ZMYM4: variants seen among roughly 807,000 people sequenced by gnomAD.
The protein encoded by ZMYM4 is zinc finger MYM-type containing 4.
Under a neutral mutation model 183.2 loss-of-function variants are expected in ZMYM4, and 31 were observed. The ratio of observed to expected loss-of-function variants is 0.17; its 90% confidence interval spans 0.13 to 0.23. The LOEUF (loss-of-function observed/expected upper bound fraction) is 0.23. ZMYM4 is among the 10% of genes least tolerant of loss of function. ZMYM4 has a pLI of 1.00. For synonymous variants in ZMYM4, 592 were observed against 631.2 expected (o/e 0.94, Z 0.93); for missense variants, 1,273 against 1,840.3 (o/e 0.69, Z 5.64).
At chr1:35,305,980 A>G (rs1641516041) in intron 1 of ZMYM4, among the ~76,000 whole-genome samples, 1 of 152,010 alleles carries the variant, frequency 6.6e-6, no homozygotes, top group Non-Finnish European at 1.5e-5. Flanking sequence ...CTGTGTCTCT[A>G]TGTGGGTTTT....
intron 1 of ZMYM4, among the ~76,000 whole-genome samples, chr1:35,312,788 T>A (rs1641862094): frequency 7.0e-6 from 1 of 142,174 alleles, no homozygotes; most frequent in African/African-American, 2.5e-5. Flanking sequence ...TGGCACAATC[T>A]TGGCTGACTG....
At chr1:35,372,152 T>C (rs1644228267) in intron 7 of ZMYM4, among the ~76,000 whole-genome samples, 1 of 152,218 alleles carries the variant, frequency 6.6e-6, no homozygotes, top group Non-Finnish European at 1.5e-5. Flanking sequence ...TTAAGATATT[T>C]TATATCAATT....
rs1472860592 is a variant in ZMYM4, at chr1:35,369,964, G to A, written c.841-65G>A. The A allele has an allele frequency of 4.2e-6, 5 of 1,189,012 alleles. No individual in the cohort carries two copies. In the Admixed American group the frequency reaches 7.8e-5, roughly 19 times the overall value. The allele number at this position is 1,189,012 out of a possible 1,614,324, so 73.7% of individuals were successfully genotyped here. ...ATAGTGGTAGTAAAATGTCTTGAAT[G>A]TCTGGATGTCTTTAGGTATTTATTC... On this transcript the variant is annotated intron_variant, in intron 5 of 29. Coordinates refer to ENST00000314607, the MANE Select transcript of ZMYM4 (RefSeq NM_005095.3).
chr1:35,277,487 C>T (rs1252392179), intron 1 of ZMYM4, among the ~76,000 whole-genome samples: 1 of 152,016 alleles, frequency 6.6e-6, no homozygotes, highest in African/African-American at 2.4e-5. Context: ...TTGGATCGTT[C>T]TAGGAGGTAA....
At position 35,385,535 on chromosome 1, in the gene ZMYM4, C is replaced by T; in HGVS notation, c.1663C>T (p.Leu555Phe). ...ENTNSLGKTE[L>F]FCSVNCLSAY... ...TACCAATAGCTTGGGGAAGACAGAG[C>T]TTTTCTGTTCTGTTAATTGCTTATC... Residue 555 changes from leucine (L) to phenylalanine (F), a missense_variant, in exon 10 of 30, where the codon CTT (leucine) becomes TTT (phenylalanine). By Grantham distance (22) the Leu-to-Phe change is conservative. Coordinates refer to ENST00000314607, the MANE Select transcript of ZMYM4 (RefSeq NM_005095.3). 2 of 1,612,888 alleles carry T rather than the reference C, an allele frequency of 1.2e-6. No homozygotes were observed. The highest frequency in any genetic ancestry group is 1.7e-6 in the Non-Finnish European group (2 of 1,179,646).
chr1:35,381,472 T>TA (rs1253763517), intron 8 of ZMYM4, 39 bp downstream of exon 8: 1 of 1,607,858 alleles, frequency 6.2e-7, no homozygotes, highest in East Asian at 2.2e-5. Flanking sequence ...AGGAGTCTAA[T>TA]ACGTTTGTGC....
At chr1:35,363,969 C>A (rs572951167) in intron 5 of ZMYM4, among the ~76,000 whole-genome samples, 1 of 152,148 alleles carries the variant, frequency 6.6e-6, no homozygotes, top group Admixed American at 6.5e-5. Flanking sequence ...CAAAAAGGCA[C>A]TTAGAGCATA....
intron 1 of ZMYM4, among the ~76,000 whole-genome samples, chr1:35,296,494 A>G (rs1641015405): frequency 6.6e-6 from 1 of 152,134 alleles, no homozygotes; most frequent in East Asian, 1.9e-4. Context: ...CTGCTTTTAT[A>G]TATTAGCAAA....
chr1:35,397,629 A>G, intron 20 of ZMYM4, 84 bp downstream of exon 20: 1 of 1,260,954 alleles, frequency 7.9e-7, no homozygotes, highest in Non-Finnish European at 1.1e-6. Flanking sequence ...AGTATAAGAC[A>G]GGGTGTTTCT....
At chr1:35,309,967 G>T (rs1275887799) in intron 1 of ZMYM4, among the ~76,000 whole-genome samples, 2 of 141,802 alleles carry the variant, frequency 1.4e-5, no homozygotes, top group African/African-American at 5.3e-5. Context: ...CACTCTTGTC[G>T]CCCAAGGTCT....
intron 22 of ZMYM4, 34 bp downstream of exon 22, chr1:35,399,077 T>G (rs1644857270): frequency 6.2e-7 from 1 of 1,604,592 alleles, no homozygotes; most frequent in Admixed American, 1.7e-5. Flanking sequence ...CTGAAAGCTT[T>G]TTATTTTAAA....
At chr1:35,400,575 C>T (rs184074931) in intron 23 of ZMYM4, among the ~76,000 whole-genome samples, 314 of 152,146 alleles carry the variant, frequency 2.1e-3, no homozygotes, top group Non-Finnish European at 3.3e-3. Context: ...ACAGGGCTTT[C>T]CTATACAAAG....
Position 35,284,038 on chromosome 1 carries a change from G to A in ZMYM4, c.39+14953G>A, listed in dbSNP as rs578190686. Among the ~76,000 whole-genome samples the A allele has an allele frequency of 2.4e-3, 366 of 151,582 alleles. 2 individuals are homozygous for A. The highest frequency in any genetic ancestry group is 7.9e-3 in the African/African-American group (325 of 41,288). ...AGGCTGGACTGCGGACTGCAGTGGC[G>A]CAATCTCGGCTCACTGCAAGCTCCG... is the stretch of plus-strand genomic sequence containing the variant. On this transcript the variant is annotated intron_variant, in intron 1 of 29. Transcript: ENST00000314607.
chr1:35,352,006 A>G (rs569424183), intron 2 of ZMYM4, among the ~76,000 whole-genome samples: 1 of 152,268 alleles, frequency 6.6e-6, no homozygotes, highest in South Asian at 2.1e-4. Flanking sequence ...TTACACAAAG[A>G]TTTTCCTCCT....
At chr1:35,352,229 T>A in intron 2 of ZMYM4, among the ~76,000 whole-genome samples, 1 of 151,696 alleles carries the variant, frequency 6.6e-6, no homozygotes, top group African/African-American at 2.4e-5. Flanking sequence ...CAAGACCTTG[T>A]CTCTACTAAT....
intron 2 of ZMYM4, among the ~76,000 whole-genome samples, chr1:35,347,464 C>A (rs1402565045): frequency 6.6e-6 from 1 of 152,172 alleles, no homozygotes; most frequent in South Asian, 2.1e-4. Flanking sequence ...GTACAAGTTA[C>A]TCTGTCTCTA....
At chr1:35,387,973 T>C (rs1644616623) in intron 13 of ZMYM4, among the ~76,000 whole-genome samples, 1 of 152,230 alleles carries the variant, frequency 6.6e-6, no homozygotes, top group Non-Finnish European at 1.5e-5. Context: ...TTTTATTGTC[T>C]TAAACAGCCA....
intron 2 of ZMYM4, among the ~76,000 whole-genome samples, chr1:35,345,691 C>T (rs1570401376): frequency 6.6e-6 from 1 of 152,322 alleles, no homozygotes; most frequent in Admixed American, 6.5e-5. Context: ...AATCAGTCCG[C>T]CTGCCTTGGC....
At position 35,397,405 on chromosome 1, in the gene ZMYM4, C is replaced by T. The variant is rs767223669; in HGVS notation, c.3059C>T (p.Ser1020Leu). The T allele has an allele frequency of 6.2e-7, 1 of 1,609,846 alleles. No individual in the cohort carries two copies. Among genetic ancestry groups the T allele is most frequent in the Non-Finnish European group, 8.5e-7 (1 of 1,178,148 alleles). ...PMPVPMLIPS[S>L]MDSEDKVTES... is the part of the protein sequence containing the mutation. ...CCTGTCCCTATGCTTATTCCATCTT[C>T]AATGGATAGTGAAGATAAAGTCACA... Residue 1020 changes from serine (S) to leucine (L), a missense_variant, in exon 20 of 30, where the codon TCA (serine) becomes TTA (leucine). This residue lies in a region of ZMYM4 where 290 missense variants were observed against 353.3 expected (regional missense o/e 0.82). Coordinates refer to ENST00000314607, the MANE Select transcript of ZMYM4 (RefSeq NM_005095.3).
Sources: gnomAD v4.1 joint callset for allele counts (sites outside exome capture counted in the v4.1 genomes callset) on GRCh38, gnomAD v4.1.1 for gene constraint, gnomAD v4.1.1 regional missense constraint, MANE v1.5 for transcripts, NCBI Gene and HGNC (gene_info 2026-07-23, HGNC 2026-07-21) for gene names.